Variants in SUDS3 observed in about 807,000 individuals in gnomAD.
SUDS3 encodes the protein sin3 histone deacetylase corepressor complex component SDS3.
Under a neutral mutation model 53.5 loss-of-function variants are expected in SUDS3, and 23 were observed. That is an observed-to-expected ratio of 0.43 (90% CI 0.31 to 0.61). SUDS3 has a LOEUF of 0.61. Ranked by LOEUF, SUDS3 falls within the 20% of genes least tolerant of loss-of-function variation. The pLI, the probability that SUDS3 is intolerant of heterozygous loss-of-function variation, is 0.10. For missense variants in SUDS3, 291 were observed against 405.9 expected, an observed-to-expected ratio of 0.72 and a Z score of 2.43; for synonymous variants, 150 against 148.5, an observed-to-expected ratio of 1.01 and a Z score of -0.08.
intron 6 of SUDS3, among the ~76,000 whole-genome samples, chr12:118,392,525 G>GT (rs982197224): frequency 1.3e-5 from 2 of 152,292 alleles, no homozygotes; most frequent in African/African-American, 2.4e-5. Flanking sequence ...GCTCAGAAAT[G>GT]TTTTTTTGTG....
At chr12:118,408,586 G>C (rs2046329611) in intron 10 of SUDS3, among the ~76,000 whole-genome samples, 1 of 152,082 alleles carries the variant, frequency 6.6e-6, no homozygotes, top group African/African-American at 2.4e-5. Flanking sequence ...CACCCACCTC[G>C]GCCTCCCGCA....
In SUDS3 at chr12:118,376,760, C is replaced by A. The variant is rs866966874; in HGVS notation, c.69C>A (p.Tyr23Ter). The A allele has an allele frequency of 6.5e-7, 1 of 1,549,082 alleles. No individual in the cohort carries two copies. Among genetic ancestry groups the A allele is most frequent in the Admixed American group, 1.9e-5 (1 of 52,176 alleles). Reference protein sequence around the residue: ...QAGAPPAPEYYPEEDEELESA... With the variant: ...QAGAPPAPEY Reference sequence around the variant, plus strand: ...GAGCGCCGCCGGCCCCCGAGTACTACCCCGAGGAGGATGAAGAGCTGGAGA... The same window carrying A: ...GAGCGCCGCCGGCCCCCGAGTACTAACCCGAGGAGGATGAAGAGCTGGAGA... The change falls in exon 1 of 12, where the codon TAC becomes TAA. Residue 23 changes from tyrosine (Y) to a stop codon, truncating the protein, a stop_gained. Coordinates refer to ENST00000543473, the MANE Select transcript of SUDS3 (RefSeq NM_022491.3). LOFTEE classifies it high-confidence loss of function.
At position 118,376,862 on chromosome 12, in the gene SUDS3, G is replaced by C. The variant is rs781012886; in HGVS notation, c.142+29G>C. 2.0e-6 allele frequency: 3 copies of C among 1,507,678 alleles called. No homozygotes were observed. In the East Asian group the frequency reaches 7.9e-5, roughly 40 times the overall value. 93.4% of individuals were successfully genotyped at this position (1,507,678 alleles called of 1,614,324 possible). A position where few individuals can be genotyped will look rare whatever the true frequency, so the allele number is the denominator to read the frequency against. ...AGTCCTGCCGCTCGCCCGGCCGCCC[G>C]GAGCGGAGGTGGGACCGCTGGGGGA... On this transcript the variant is annotated intron_variant, in intron 1 of 11. Coordinates refer to ENST00000543473, the MANE Select transcript of SUDS3 (RefSeq NM_022491.3).
chr12:118,377,330 G>T (rs1273557609), intron 1 of SUDS3, among the ~76,000 whole-genome samples: 1 of 152,050 alleles, frequency 6.6e-6, no homozygotes, highest in Admixed American at 6.6e-5. Context: ...TTTAAATTTG[G>T]CTTTGTCACT....
At chr12:118,403,918 T>A (rs541608179) in intron 10 of SUDS3, 1 of 196,528 alleles carries the variant, frequency 5.1e-6, no homozygotes, top group Non-Finnish European at 1.1e-5. Context: ...TGGGGGATGA[T>A]CATGTTAATT....
chr12:118,381,285 A>G (rs1020926715), intron 2 of SUDS3, among the ~76,000 whole-genome samples: 5 of 151,658 alleles, frequency 3.3e-5, no homozygotes, highest in Admixed American at 3.3e-4. Context: ...GCTCACCACA[A>G]CCTCCACCTC....
At position 118,377,764 on chromosome 12, in the gene SUDS3, C is replaced by T. The variant is rs149573314; in HGVS notation, c.142+931C>T. On this transcript the variant is annotated intron_variant, in intron 1 of 11. Transcript: ENST00000543473. ...AAACAAAGAGAGACCGATATATGAG[C>T]GGAATATTCTGGGACAAAATCGGGC... is the stretch of plus-strand genomic sequence containing the variant. 1.8e-4 allele frequency among the ~76,000 whole-genome samples: 27 copies of T among 152,158 alleles called. 1 individual carries two copies. In the East Asian group the frequency reaches 4.8e-3, roughly 27 times the overall value.
intron 3 of SUDS3, among the ~76,000 whole-genome samples, chr12:118,384,837 A>G (rs1000752314): frequency 3.3e-5 from 5 of 152,042 alleles, no homozygotes; most frequent in African/African-American, 1.2e-4. Context: ...GTCTCAAAAA[A>G]AAAAAAAAGA....
Position 118,414,304 on chromosome 12 carries a change from T to G in SUDS3, c.889-31T>G, listed in dbSNP as rs374965180. 5 of 1,522,798 alleles carry G rather than the reference T, an allele frequency of 3.3e-6. No individual in the cohort carries two copies. In the African/African-American group the frequency reaches 6.9e-5, roughly 21 times the overall value. 94.3% of individuals were successfully genotyped at this position (1,522,798 alleles called of 1,614,324 possible). On this transcript the variant is annotated intron_variant, in intron 11 of 11. Coordinates refer to ENST00000543473, the MANE Select transcript of SUDS3 (RefSeq NM_022491.3). ...AGATTTGCTCTTCTGTATTTAACTT[T>G]TCATCTTGTTCCCTTTCCTCTCCCC...
chr12:118,377,353 GTAAACT>G (rs1008960894), intron 1 of SUDS3, among the ~76,000 whole-genome samples: 3 of 152,104 alleles, frequency 2.0e-5, no homozygotes, highest in Middle Eastern at 3.2e-3. Flanking sequence ...ACTCAGCTTT[GTAAACT>G]TAAGTTTTCC....
intron 6 of SUDS3, among the ~76,000 whole-genome samples, chr12:118,399,494 C>T (rs1172102463): frequency 2.0e-5 from 3 of 151,808 alleles, no homozygotes; most frequent in African/African-American, 7.3e-5. Flanking sequence ...AGAGTGAGGC[C>T]CTGTCTTGAA....
At chr12:118,376,956 G>C (rs2046003134) in intron 1 of SUDS3, 123 bp downstream of exon 1, 7 of 1,231,698 alleles carry the variant, frequency 5.7e-6, no homozygotes, top group Non-Finnish European at 6.4e-6. Context: ...AGGGGCCGCC[G>C]GGAGTTGCGG....
At chr12:118,412,789 C>T (rs1416372861) in intron 11 of SUDS3, among the ~76,000 whole-genome samples, 3 of 152,134 alleles carry the variant, frequency 2.0e-5, no homozygotes, top group South Asian at 2.1e-4. Context: ...AATATTGTCG[C>T]GTCTTGACAT....
In SUDS3 at chr12:118,379,235, G is replaced by A. The variant is rs973235960; in HGVS notation, c.143-927G>A. Among the ~76,000 whole-genome samples, 17 of 151,080 alleles carry A rather than the reference G, an allele frequency of 1.1e-4. 1 individual carries two copies. Among genetic ancestry groups the A allele is most frequent in the Admixed American group, 9.2e-4 (14 of 15,142 alleles). Reference sequence around the variant, plus strand: ...GTGGTTCACTTGAGGCCAGGAGTTCGAGACCAGCCTGGCCAACGTGGCGAA... The same window carrying A: ...GTGGTTCACTTGAGGCCAGGAGTTCAAGACCAGCCTGGCCAACGTGGCGAA... On this transcript the variant is annotated intron_variant, in intron 1 of 11. Coordinates refer to ENST00000543473, the MANE Select transcript of SUDS3 (RefSeq NM_022491.3).
At chr12:118,396,091 G>T (rs1467884978) in intron 6 of SUDS3, among the ~76,000 whole-genome samples, 1 of 152,118 alleles carries the variant, frequency 6.6e-6, no homozygotes, top group Non-Finnish European at 1.5e-5. Flanking sequence ...CTAGAGAAGG[G>T]CATGATGTCT....
At chr12:118,405,083 T>G (rs1362564588) in intron 10 of SUDS3, among the ~76,000 whole-genome samples, 1 of 152,222 alleles carries the variant, frequency 6.6e-6, no homozygotes, top group South Asian at 2.1e-4. Context: ...ATCTTAACAT[T>G]ATGTCTCAGA....
intron 9 of SUDS3, 107 bp downstream of exon 9, chr12:118,402,111 C>A: frequency 7.8e-7 from 1 of 1,284,236 alleles, no homozygotes; most frequent in Non-Finnish European, 1.1e-6. Context: ...ATGAAATGTT[C>A]ATCATTTGCC....
intron 10 of SUDS3, among the ~76,000 whole-genome samples, chr12:118,410,657 C>T (rs756539509): frequency 4.0e-5 from 6 of 151,524 alleles, no homozygotes; most frequent in Non-Finnish European, 7.4e-5. Flanking sequence ...AGTGCAGTGG[C>T]GCCATCTCGG....
intron 10 of SUDS3, among the ~76,000 whole-genome samples, chr12:118,409,321 G>A (rs1388489816): frequency 1.3e-5 from 2 of 151,714 alleles, no homozygotes; most frequent in African/African-American, 2.4e-5. Flanking sequence ...TAATTTTTGT[G>A]TTTTTAGTAG....
Sources: gnomAD v4.1 joint callset for allele counts (sites outside exome capture counted in the v4.1 genomes callset) on GRCh38, gnomAD v4.1.1 for gene constraint, MANE v1.5 for transcripts, NCBI Gene and HGNC (gene_info 2026-07-23, HGNC 2026-07-21) for gene names.